The following ZNF577 variants were observed in gnomAD, a reference collection of about 807,000 sequenced individuals.
ZNF577 encodes zinc finger protein 577.
In ZNF577, 14 loss-of-function variants were observed where a neutral mutation model predicts 13.9. That is an observed-to-expected ratio of 1.00 (90% CI 0.66 to 1.57). The LOEUF (loss-of-function observed/expected upper bound fraction) is 1.57. Among genes scored for constraint, ZNF577 ranks in the 40% most tolerant of loss-of-function variants. The pLI is 0.00. For synonymous variants in ZNF577, 203 were observed against 202.9 expected, an observed-to-expected ratio of 1.00 and a Z score of 0.00; for missense variants, 555 against 579.2, an observed-to-expected ratio of 0.96 and a Z score of 0.43.
intron 9 of ZNF577, among the ~76,000 whole-genome samples, chr19:51,812,748 A>T (rs1390122483): frequency 6.6e-6 from 1 of 152,216 alleles, no homozygotes; most frequent in African/African-American, 2.4e-5. Context: ...CTTGATACAC[A>T]CATTACAGTC....
chr19:51,881,513 C>G lies in ZNF577; in HGVS notation c.-218-636G>C, dbSNP rs181296606. ...CATCCTAAACATGAGTAAGCTGAGG[C>G]TTGCTGAGACAACGTGTGTTGTGCA... On this transcript the variant is annotated intron_variant, in intron 1 of 5. Coordinates refer to ENST00000638348, the MANE Select transcript of ZNF577 (RefSeq NM_001370449.1). Among the ~76,000 whole-genome samples the G allele has an allele frequency of 6.6e-5, 10 of 152,290 alleles. No homozygotes were observed. In the East Asian group the frequency reaches 1.4e-3, roughly 21 times the overall value.
At chr19:51,821,169 T>C (rs1399037020) in intron 9 of ZNF577, among the ~76,000 whole-genome samples, 1 of 152,188 alleles carries the variant, frequency 6.6e-6, no homozygotes, top group Non-Finnish European at 1.5e-5. Flanking sequence ...AAAGTTAGAC[T>C]TCACCACAAA....
intron 10 of ZNF577, among the ~76,000 whole-genome samples, chr19:51,810,222 T>C (rs2084087205): frequency 6.6e-6 from 1 of 152,246 alleles, no homozygotes; most frequent in Admixed American, 6.5e-5. Context: ...TGAAGCTCAG[T>C]TCCTACATCT....
At chr19:51,873,778 T>G (rs751694006) in intron 5 of ZNF577, 72 bp from the exon 6 acceptor site, 1 of 1,143,288 alleles carries the variant, frequency 8.7e-7, no homozygotes, top group Non-Finnish European at 1.2e-6. Flanking sequence ...AACAATGCTC[T>G]TACATAAACC....
At chr19:51,839,972 C>T (rs1332529528) in exon 9 of ZNF577, 1 of 152,246 alleles carries the variant, frequency 6.6e-6, no homozygotes, top group African/African-American at 2.4e-5. Context: ...CGTAGTCACG[C>T]TCTTGTGCAG....
intron 5 of ZNF577, among the ~76,000 whole-genome samples, chr19:51,858,479 G>T (rs1383042016): frequency 6.6e-6 from 1 of 152,172 alleles, no homozygotes; most frequent in African/African-American, 2.4e-5. Context: ...ATCCAGATTA[G>T]TGTTTAGTAC....
chr19:51,825,122 C>G (rs1038611053), intron 9 of ZNF577: 1 of 279,564 alleles, frequency 3.6e-6, no homozygotes, highest in African/African-American at 2.2e-5. Context: ...AAACTTCGGA[C>G]CAACCAGCTT....
chr19:51,854,146 T>C lies in ZNF577; in HGVS notation c.284-9215A>G, dbSNP rs370361715. Among the ~76,000 whole-genome samples the C allele has an allele frequency of 9.2e-5, 14 of 152,334 alleles. No homozygotes were observed. In the South Asian group the frequency reaches 2.7e-3, roughly 29 times the overall value. On this transcript the variant is annotated intron_variant and NMD_transcript_variant, in intron 5 of 10. Transcript: ENST00000638827. ...TGTATGTAATTGATTCTTTGGTTGC[T>C]TGTTTTCTGTGTAGCAGAAAATCCA...
chr19:51,827,041 G>A (rs1003897817), intron 9 of ZNF577, among the ~76,000 whole-genome samples: 1 of 152,102 alleles, frequency 6.6e-6, no homozygotes, highest in Non-Finnish European at 1.5e-5. Context: ...AGGTGTCTCT[G>A]GCCACATGAC....
chr19:51,834,359 T>A (rs970829324), intron 9 of ZNF577, among the ~76,000 whole-genome samples: 6 of 152,172 alleles, frequency 3.9e-5, no homozygotes, highest in African/African-American at 1.4e-4. Flanking sequence ...AACTGACATT[T>A]ATAAACCATT....
chr19:51,818,050 C>T (rs890027792), intron 9 of ZNF577, among the ~76,000 whole-genome samples: 5 of 151,390 alleles, frequency 3.3e-5, no homozygotes, highest in African/African-American at 7.3e-5. Flanking sequence ...GATGAGTTCA[C>T]GTCCTTTTTA....
At chr19:51,833,442 ATTG>A (rs1430078289) in intron 9 of ZNF577, among the ~76,000 whole-genome samples, 1 of 50,844 alleles carries the variant, frequency 2.0e-5, no homozygotes, top group Non-Finnish European at 4.0e-5. Context: ...AGTTATGTTG[ATTG>A]TGTTTTAAAA....
chr19:51,833,860 AT>A (rs1364986965), intron 9 of ZNF577, among the ~76,000 whole-genome samples: 2 of 151,960 alleles, frequency 1.3e-5, no homozygotes, highest in Admixed American at 6.6e-5. Context: ...GGTACAATAT[AT>A]TTTTTTCTTT....
intron 9 of ZNF577, among the ~76,000 whole-genome samples, chr19:51,831,559 T>A (rs998459357): frequency 1.3e-5 from 2 of 152,188 alleles, no homozygotes; most frequent in African/African-American, 4.8e-5. Context: ...AGTTTCCTAA[T>A]CTTTCTGCAT....
intron 9 of ZNF577, among the ~76,000 whole-genome samples, chr19:51,815,648 G>A (rs532171431): frequency 8.6e-5 from 13 of 151,838 alleles, no homozygotes; most frequent in Admixed American, 6.6e-5. Flanking sequence ...TGGGCAGATC[G>A]CTTTAAGCCC....
downstream of ZNF577, among the ~76,000 whole-genome samples, chr19:51,866,235 T>C (rs2084562369): frequency 6.6e-6 from 1 of 151,788 alleles, no homozygotes; most frequent in African/African-American, 2.4e-5. Flanking sequence ...AGCACAGAAA[T>C]GTTTCTGGAA....
chr19:51,884,917 CAT>C (rs1350318924), intron 1 of ZNF577, among the ~76,000 whole-genome samples: 1 of 152,208 alleles, frequency 6.6e-6, no homozygotes, highest in East Asian at 1.9e-4. Flanking sequence ...CAAAAAGTCA[CAT>C]GACTATTCTA....
At chr19:51,810,963 A>G (rs961128689) in intron 10 of ZNF577, among the ~76,000 whole-genome samples, 1 of 152,154 alleles carries the variant, frequency 6.6e-6, no homozygotes, top group Non-Finnish European at 1.5e-5. Flanking sequence ...TTCTGCTACC[A>G]AAGGAGGCAA....
At chr19:51,822,850 T>C (rs1005246693) in intron 9 of ZNF577, among the ~76,000 whole-genome samples, 2 of 152,042 alleles carry the variant, frequency 1.3e-5, no homozygotes, top group East Asian at 3.9e-4. Flanking sequence ...CTATAGGATG[T>C]AATATATTTC....
Sources: allele counts gnomAD v4.1 joint callset (sites outside exome capture counted in the v4.1 genomes callset), GRCh38; gene constraint gnomAD v4.1.1; transcripts MANE v1.5; gene names NCBI Gene and HGNC (gene_info 2026-07-23, HGNC 2026-07-21).